The following AGPAT5 variants were observed in gnomAD, a reference collection of about 807,000 sequenced individuals.
AGPAT5 encodes 1-acyl-sn-glycerol-3-phosphate acyltransferase epsilon.
Under a neutral mutation model 45.6 loss-of-function variants are expected in AGPAT5, and 46 were observed. The observed-to-expected ratio is 1.01, with a 90% confidence interval of 0.80 to 1.29. The LOEUF is 1.29. Among genes scored for constraint, AGPAT5 ranks in the 50% most tolerant of loss-of-function variants. AGPAT5 has a pLI of 0.00. For synonymous variants in AGPAT5, 272 were observed against 167.0 expected, an observed-to-expected ratio of 1.63 and a Z score of -4.85; for missense variants, 673 against 450.7, an observed-to-expected ratio of 1.49 and a Z score of -4.47.
chr8:6,725,355 C>T lies in AGPAT5; in HGVS notation c.289+416C>T, dbSNP rs190981212. Among the ~76,000 whole-genome samples, 450 of 152,292 alleles carry T rather than the reference C, an allele frequency of 3.0e-3. 3 individuals carry two copies. The highest frequency in any genetic ancestry group is 8.4e-3 in the African/African-American group (348 of 41,546). On this transcript the variant is annotated intron_variant, in intron 2 of 7. Transcript: ENST00000285518. ...TAAGTACTCGTTTCCTTACTATGCT[C>T]GTCATTTCTAGTGTCTGCTCTTCCT...
intron 6 of AGPAT5, among the ~76,000 whole-genome samples, chr8:6,754,146 A>T (rs1563308794): frequency 6.6e-6 from 1 of 152,192 alleles, no homozygotes; most frequent in African/African-American, 2.4e-5. Flanking sequence ...ATATGTTAAC[A>T]TTCTTACCTG....
At chr8:6,748,436 T>C (rs1207107668) in intron 6 of AGPAT5, among the ~76,000 whole-genome samples, 1 of 152,178 alleles carries the variant, frequency 6.6e-6, no homozygotes, top group Non-Finnish European at 1.5e-5. Context: ...GGAGTTTCTG[T>C]TTCCTTTTCA....
chr8:6,709,903 A>T (rs554984899), intron 1 of AGPAT5, among the ~76,000 whole-genome samples: 1 of 152,186 alleles, frequency 6.6e-6, no homozygotes. Flanking sequence ...CCTTGGAAAG[A>T]AAAAAAGATA....
At chr8:6,709,204 A>C in intron 1 of AGPAT5, 2 of 412,894 alleles carry the variant, frequency 4.8e-6, no homozygotes, top group South Asian at 2.2e-5. Flanking sequence ...GCACGCGTTT[A>C]GCAGTTTCTG....
intron 1 of AGPAT5, among the ~76,000 whole-genome samples, chr8:6,711,523 G>T (rs576782954): frequency 2.6e-5 from 4 of 151,984 alleles, no homozygotes; most frequent in African/African-American, 7.3e-5. Context: ...TATATTTCAC[G>T]TAATTTGAGA....
chr8:6,747,129 C>T (rs964321786), intron 5 of AGPAT5, among the ~76,000 whole-genome samples: 3 of 152,200 alleles, frequency 2.0e-5, no homozygotes, highest in African/African-American at 7.2e-5. Flanking sequence ...CCCAAATGTC[C>T]ATGAAGCAAT....
intron 1 of AGPAT5, 83 bp from the exon 2 acceptor site, chr8:6,724,787 G>A (rs890393480): frequency 1.9e-5 from 8 of 415,656 alleles, no homozygotes; most frequent in Non-Finnish European, 3.0e-5. Flanking sequence ...AACATCATTC[G>A]TCAGTTTCTT....
chr8:6,747,658 A>T lies in AGPAT5; in HGVS notation c.587-12A>T, dbSNP rs1328620072. 1 of 1,605,686 alleles carries T rather than the reference A, an allele frequency of 6.2e-7. No homozygotes were observed. Among genetic ancestry groups the T allele is most frequent in the South Asian group, 1.1e-5 (1 of 90,404 alleles). ...TGTAACTAATTAATGACGGCACTGAATTGACTTCTAGGCCTTGCAGTATTA... is the reference window on the plus strand; with the variant it reads ...TGTAACTAATTAATGACGGCACTGATTTGACTTCTAGGCCTTGCAGTATTA... On this transcript the variant is annotated splice_polypyrimidine_tract_variant and intron_variant, in intron 5 of 7. Coordinates refer to ENST00000285518, the MANE Select transcript of AGPAT5 (RefSeq NM_018361.5).
intron 4 of AGPAT5, among the ~76,000 whole-genome samples, chr8:6,740,668 T>G (rs1801219061): frequency 6.6e-6 from 1 of 151,954 alleles, no homozygotes; most frequent in African/African-American, 2.4e-5. Flanking sequence ...TACCAGTATC[T>G]AAAGAAAAAA....
At chr8:6,742,125 C>G (rs553449083) in intron 5 of AGPAT5, among the ~76,000 whole-genome samples, 3 of 152,252 alleles carry the variant, frequency 2.0e-5, no homozygotes, top group African/African-American at 2.4e-5. Context: ...CAAACTCGTA[C>G]TTTTATTAGC....
chr8:6,744,700 C>G (rs921157706), intron 5 of AGPAT5, among the ~76,000 whole-genome samples: 2 of 152,214 alleles, frequency 1.3e-5, no homozygotes, highest in African/African-American at 2.4e-5. Context: ...GGTTCTCCCT[C>G]CTCCTCACTC....
At chr8:6,718,200 A>G (rs1313551233) in intron 1 of AGPAT5, among the ~76,000 whole-genome samples, 2 of 152,216 alleles carry the variant, frequency 1.3e-5, no homozygotes, top group East Asian at 1.9e-4. Context: ...ACCAAAAGAC[A>G]CATGCATGCT....
intron 4 of AGPAT5, among the ~76,000 whole-genome samples, chr8:6,733,408 ATTC>A (rs1800938297): frequency 6.6e-6 from 1 of 152,174 alleles, no homozygotes; most frequent in African/African-American, 2.4e-5. Context: ...TGAAGGAAGA[ATTC>A]TTCACGGTCA....
At chr8:6,736,360 T>C (rs1263509052) in intron 4 of AGPAT5, among the ~76,000 whole-genome samples, 2 of 152,210 alleles carry the variant, frequency 1.3e-5, no homozygotes. Flanking sequence ...GTGTTTTAAA[T>C]TATTGTTTTT....
intron 6 of AGPAT5, among the ~76,000 whole-genome samples, chr8:6,748,673 A>G (rs1410223081): frequency 1.3e-5 from 2 of 151,946 alleles, no homozygotes; most frequent in Non-Finnish European, 2.9e-5. Context: ...CATGACTAAT[A>G]TTTGTATTTT....
At chr8:6,735,817 A>G (rs1166049029) in intron 4 of AGPAT5, among the ~76,000 whole-genome samples, 1 of 151,572 alleles carries the variant, frequency 6.6e-6, no homozygotes, top group Non-Finnish European at 1.5e-5. Context: ...CGTCAGAAAG[A>G]ACAGAGTGTT....
intron 1 of AGPAT5, among the ~76,000 whole-genome samples, chr8:6,714,003 G>C (rs958472822): frequency 6.6e-6 from 1 of 152,188 alleles, no homozygotes; most frequent in East Asian, 1.9e-4. Flanking sequence ...TGTAAAAGCA[G>C]CCATTCATTA....
chr8:6,734,799 G>GTGCA (rs757826476), intron 4 of AGPAT5, among the ~76,000 whole-genome samples: 1 of 151,940 alleles, frequency 6.6e-6, no homozygotes, highest in Non-Finnish European at 1.5e-5. Flanking sequence ...CACTGAGGAG[G>GTGCA]TGCACTGCAT....
Position 6,757,699 on chromosome 8 carries a change from T to C in AGPAT5, c.*311T>C. ...AGGATTGTGTATTTTGCAAGTCAGATGGCTGCATTTTTGAGCATTAATTTG... is the reference window on the plus strand; with the variant it reads ...AGGATTGTGTATTTTGCAAGTCAGACGGCTGCATTTTTGAGCATTAATTTG... On this transcript the variant is annotated 3_prime_UTR_variant, in exon 8 of 8. Transcript: ENST00000285518. 1 of 226,190 alleles carries C rather than the reference T, an allele frequency of 4.4e-6. No individual in the cohort carries two copies. The highest frequency in any genetic ancestry group is 9.3e-5 in the East Asian group (1 of 10,720). The allele number at this position is 226,190 out of a possible 1,614,324, so 14.0% of individuals were successfully genotyped here.
Sources: allele counts gnomAD v4.1 joint callset (sites outside exome capture counted in the v4.1 genomes callset), GRCh38; gene constraint gnomAD v4.1.1; transcripts MANE v1.5; gene names NCBI Gene and HGNC (gene_info 2026-07-23, HGNC 2026-07-21).